The following CFAP299 variants were observed in gnomAD, a reference collection of about 807,000 sequenced individuals.
The protein encoded by CFAP299 is cilia and flagella associated protein 299.
In CFAP299, 21 loss-of-function variants were observed where a neutral mutation model predicts 27.0. The observed-to-expected ratio is 0.78, with a 90% CI of 0.55 to 1.12. The LOEUF is 1.12. Ranked by LOEUF, CFAP299 falls within the 50% of genes most tolerant of loss-of-function variation. CFAP299 has a pLI of 0.00. For synonymous variants in CFAP299, 104 were observed against 98.1 expected (o/e 1.06, Z -0.36); for missense variants, 310 against 276.6 (o/e 1.12, Z -0.86).
intron 3 of CFAP299, among the ~76,000 whole-genome samples, chr4:80,633,909 A>T (rs1739346867): frequency 1.3e-5 from 2 of 151,982 alleles, no homozygotes; most frequent in Admixed American, 1.3e-4. Flanking sequence ...AATAATGTAG[A>T]GAACAGACTG....
chr4:80,954,953 T>C (rs1312030068), intron 5 of CFAP299, among the ~76,000 whole-genome samples: 1 of 117,790 alleles, frequency 8.5e-6, no homozygotes, highest in Non-Finnish European at 1.6e-5. Context: ...TGAGCCAAGA[T>C]TGCGCCACTG....
chr4:80,531,758 T>TGAGA (rs2110188065), intron 2 of CFAP299, among the ~76,000 whole-genome samples: 1 of 127,202 alleles, frequency 7.9e-6, no homozygotes, highest in African/African-American at 3.1e-5. Flanking sequence ...TTTTTTTTTT[T>TGAGA]TTTTTTTTTT....
chr4:80,417,871 C>T (rs977267972), intron 2 of CFAP299, among the ~76,000 whole-genome samples: 1 of 152,054 alleles, frequency 6.6e-6, no homozygotes, highest in African/African-American at 2.4e-5. Context: ...GTCTCTTCCA[C>T]CATGTGAAGA....
At chr4:80,613,795 A>G (rs570807793) in intron 3 of CFAP299, among the ~76,000 whole-genome samples, 1 of 152,296 alleles carries the variant, frequency 6.6e-6, no homozygotes, top group East Asian at 1.9e-4. Context: ...GTCCTGCTCT[A>G]CAACTGACTG....
At chr4:80,674,649 T>C (rs1719292232) in intron 3 of CFAP299, among the ~76,000 whole-genome samples, 1 of 152,242 alleles carries the variant, frequency 6.6e-6, no homozygotes, top group South Asian at 2.1e-4. Context: ...CCCGTCACTT[T>C]CACGTACACT....
At chr4:80,644,918 T>C (rs2109962975) in intron 3 of CFAP299, among the ~76,000 whole-genome samples, 1 of 152,302 alleles carries the variant, frequency 6.6e-6, no homozygotes, top group South Asian at 2.1e-4. Flanking sequence ...TTTTCACCTC[T>C]ACTCTTACTT....
chr4:80,769,969 C>T (rs889752210), intron 3 of CFAP299, among the ~76,000 whole-genome samples: 11 of 152,144 alleles, frequency 7.2e-5, no homozygotes, highest in Admixed American at 1.3e-4. Context: ...GTTCTACCTT[C>T]TAGTTTCTTA....
At chr4:80,896,198 C>G (rs755289272) in intron 4 of CFAP299, among the ~76,000 whole-genome samples, 18 of 150,966 alleles carry the variant, frequency 1.2e-4, no homozygotes, top group Non-Finnish European at 2.2e-4. Flanking sequence ...GGTATTTATA[C>G]TGTTTGAATT....
intron 3 of CFAP299, among the ~76,000 whole-genome samples, chr4:80,783,714 C>G (rs1727069624): frequency 6.6e-6 from 1 of 151,922 alleles, no homozygotes; most frequent in Non-Finnish European, 1.5e-5. Context: ...TAAAATAGAA[C>G]CCATTTTTTG....
chr4:80,851,689 G>A (rs183051926), intron 3 of CFAP299, among the ~76,000 whole-genome samples: 11 of 152,274 alleles, frequency 7.2e-5, no homozygotes, highest in Admixed American at 1.3e-4. Context: ...ATAGGGTCAT[G>A]TAGAAATAGT....
chr4:80,942,515 C>A (rs1737251823), intron 4 of CFAP299, among the ~76,000 whole-genome samples: 1 of 152,034 alleles, frequency 6.6e-6, no homozygotes, highest in Non-Finnish European at 1.5e-5. Flanking sequence ...TAATCAGCTA[C>A]TATAAAAAGC....
intron 3 of CFAP299, chr4:80,649,325 A>G (rs1314638620): frequency 6.6e-6 from 1 of 152,182 alleles, no homozygotes; most frequent in Non-Finnish European, 1.5e-5. Flanking sequence ...GAGACCCTGT[A>G]AAATAATGAC....
chr4:80,594,554 G>T (rs1184243675), intron 3 of CFAP299, among the ~76,000 whole-genome samples: 4 of 152,008 alleles, frequency 2.6e-5, no homozygotes, highest in African/African-American at 9.7e-5. Context: ...CATGTTAAAA[G>T]CATGAATAAT....
At chr4:80,394,267 T>A (rs1272200579) in intron 2 of CFAP299, among the ~76,000 whole-genome samples, 2 of 152,192 alleles carry the variant, frequency 1.3e-5, no homozygotes, top group African/African-American at 4.8e-5. Flanking sequence ...TCAGATCCTT[T>A]GACTATTTTC....
chr4:80,853,080 G>A (rs566680577), intron 3 of CFAP299, among the ~76,000 whole-genome samples: 72 of 151,956 alleles, frequency 4.7e-4, no homozygotes, highest in Non-Finnish European at 9.3e-4. Context: ...GCCCAGGCTG[G>A]AGTGCAGTGG....
intron 3 of CFAP299, among the ~76,000 whole-genome samples, chr4:80,695,818 G>A (rs1721051963): frequency 6.6e-6 from 1 of 151,604 alleles, no homozygotes; most frequent in South Asian, 2.1e-4. Context: ...AAGACACCAG[G>A]ATAACTTTTG....
chr4:80,529,623 G>A (rs1224289450), intron 2 of CFAP299, among the ~76,000 whole-genome samples: 1 of 152,084 alleles, frequency 6.6e-6, no homozygotes, highest in Non-Finnish European at 1.5e-5. Flanking sequence ...TTTAGCAAGA[G>A]TTATTTCAAA....
At chr4:80,670,532 T>C (rs1448727250) in intron 3 of CFAP299, among the ~76,000 whole-genome samples, 1 of 152,188 alleles carries the variant, frequency 6.6e-6, no homozygotes, top group Non-Finnish European at 1.5e-5. Flanking sequence ...TCAAATGGTA[T>C]TTCTAGATCT....
intron 3 of CFAP299, among the ~76,000 whole-genome samples, chr4:80,825,932 G>T (rs1729963137): frequency 6.6e-6 from 1 of 151,776 alleles, no homozygotes. Context: ...ATAATTATTA[G>T]TCCAAAAACT....
Sources: allele counts gnomAD v4.1 joint callset (sites outside exome capture counted in the v4.1 genomes callset), GRCh38; gene constraint gnomAD v4.1.1; transcripts MANE v1.5; gene names NCBI Gene and HGNC (gene_info 2026-07-23, HGNC 2026-07-21).